Variants in BDKRB2 observed in about 807,000 individuals in gnomAD.
The protein encoded by BDKRB2 is bradykinin receptor B2.
In BDKRB2, 6 loss-of-function variants were observed where a neutral mutation model predicts 4.0. That is an observed-to-expected ratio of 1.49 (90% CI 0.81 to 2.93). The LOEUF (loss-of-function observed/expected upper bound fraction) is 2.93, where lower values mean the gene tolerates loss of function less well. Ranked by LOEUF, BDKRB2 falls within the 30% of genes most tolerant of loss-of-function variation. The pLI is 0.00. For synonymous variants in BDKRB2, 225 were observed against 215.3 expected (o/e 1.05, Z -0.40); for missense variants, 478 against 520.1 (o/e 0.92, Z 0.79).
chr14:96,230,366 G>C (rs1890790052), intron 1 of BDKRB2, among the ~76,000 whole-genome samples: 1 of 152,100 alleles, frequency 6.6e-6, no homozygotes, highest in Admixed American at 6.5e-5. Context: ...TTTCCCATTA[G>C]TTTTAAATGC....
chr14:96,208,058 C>T (rs146858731), intron 1 of BDKRB2, among the ~76,000 whole-genome samples: 1 of 152,294 alleles, frequency 6.6e-6, no homozygotes, highest in East Asian at 1.9e-4. Flanking sequence ...CCTCCAACTG[C>T]CCCCACTGAG....
Position 96,237,966 on chromosome 14 carries a change from G to T in BDKRB2, c.74+785G>T, listed in dbSNP as rs117352473. 1.4e-3 allele frequency: 1,725 copies of T among 1,192,020 alleles called. 3 individuals carry two copies. The highest frequency in any genetic ancestry group is 3.0e-3 in the Middle Eastern group (11 of 3,722). The allele number at this position is 1,192,020 out of a possible 1,614,324, so 73.8% of individuals were successfully genotyped here. A position where few individuals can be genotyped will look rare whatever the true frequency, so the allele number is the denominator to read the frequency against. ...AGATGACAGACTCTCCAAGCCAGGG[G>T]TATGCAGGAAATGGGTTTTCTGTAG... On this transcript the variant is annotated intron_variant, in intron 2 of 2. Coordinates refer to ENST00000554311, the MANE Select transcript of BDKRB2 (RefSeq NM_001379692.1).
At chr14:96,239,886 T>C (rs1885225976) in intron 2 of BDKRB2, 5 of 985,694 alleles carry the variant, frequency 5.1e-6, no homozygotes, top group Non-Finnish European at 6.0e-6. Flanking sequence ...TGCCACAGAC[T>C]GTCCAGGAAG....
rs1346053282 is a variant in BDKRB2 at position 96,240,508 on chromosome 14, G to GC, written c.186dup (p.Phe63LeufsTer142). The GC allele has an allele frequency of 1.9e-6, 3 of 1,572,888 alleles. No homozygotes were observed. The highest frequency in any genetic ancestry group is 2.2e-5 in the East Asian group (1 of 44,464). On this transcript the variant is annotated frameshift_variant, in exon 3 of 3. Transcript: ENST00000554311. LOFTEE classifies it low-confidence loss of function (END_TRUNC). ...GGCTGGGCTGGCTCAACACCATCCA[G>GC]CCCCCCTTCCTCTGGGTGCTGTTCG...
At position 96,237,265 on chromosome 14, in the gene BDKRB2, T is replaced by C. The variant is rs1166443036; in HGVS notation, c.74+84T>C. 8 of 1,273,914 alleles carry C rather than the reference T, an allele frequency of 6.3e-6. No homozygotes were observed. In the East Asian group the frequency reaches 1.4e-4, roughly 22 times the overall value. The allele number at this position is 1,273,914 out of a possible 1,614,324, so 78.9% of individuals were successfully genotyped here. A position where few individuals can be genotyped will look rare whatever the true frequency, so the allele number is the denominator to read the frequency against. ...AACTCCCTGGAAAGCTCAACTCTCA[T>C]GCCCCGGACAACAGTTGAAGGAACC... is the stretch of plus-strand genomic sequence containing the variant. On this transcript the variant is annotated intron_variant, in intron 2 of 2. Transcript: ENST00000554311.
chr14:96,204,842 C>G lies in BDKRB2; in HGVS notation c.-157C>G. 1 of 386,780 alleles carries G rather than the reference C, an allele frequency of 2.6e-6. No homozygotes were observed. Among genetic ancestry groups the G allele is most frequent in the Non-Finnish European group, 5.2e-6 (1 of 190,948 alleles). 24.0% of individuals were successfully genotyped at this position (386,780 alleles called of 1,614,324 possible). On this transcript the variant is annotated 5_prime_UTR_variant, in exon 1 of 3. Transcript: ENST00000554311. The stretch of plus-strand genomic sequence containing the variant: ...AAGATGAGCTGTTCCCGCCGCCACT[C>G]CAGCTCTGGCTTCTGGGCTCCGAGG...
At chr14:96,206,771 C>G (rs946449007) in intron 1 of BDKRB2, among the ~76,000 whole-genome samples, 2 of 151,998 alleles carry the variant, frequency 1.3e-5, no homozygotes, top group African/African-American at 4.8e-5. Flanking sequence ...GGGAGCCCTG[C>G]AGATTTGCCC....
intron 1 of BDKRB2, among the ~76,000 whole-genome samples, chr14:96,212,401 C>CA (rs67435703): frequency 1.4e-4 from 21 of 149,274 alleles, no homozygotes; most frequent in South Asian, 6.4e-4. Flanking sequence ...AAAAAGATTG[C>CA]AAAAAAAAAC....
chr14:96,233,500 G>A (rs150624721), intron 1 of BDKRB2: 2 of 152,252 alleles, frequency 1.3e-5, no homozygotes, highest in African/African-American at 4.8e-5. Context: ...TCTGGCTGTG[G>A]AGTCTGGTGT....
intron 1 of BDKRB2, among the ~76,000 whole-genome samples, chr14:96,222,423 A>G (rs1477532542): frequency 1.3e-5 from 2 of 151,998 alleles, no homozygotes; most frequent in Admixed American, 6.5e-5. Flanking sequence ...CAAGCTTTGT[A>G]TCATGGCCTG....
At chr14:96,238,528 A>G in intron 2 of BDKRB2, 2 of 985,492 alleles carry the variant, frequency 2.0e-6, no homozygotes, top group Non-Finnish European at 2.4e-6. Context: ...GTTCCTTAAG[A>G]CTCAGGGGCA....
Position 96,237,173 on chromosome 14 carries a change from C to G in BDKRB2, c.66C>G (p.Ala22=). ...SVREDSVPTT[A]SFSADMLNVT... ...GTGAGGACTCCGTGCCCACCACGGC[C>G]TCTTTCAGGTGAGTCAAAGGGATTC... The change falls in exon 2 of 3, where the codon GCC becomes GCG. Residue 22 remains alanine, a synonymous_variant. Coordinates refer to ENST00000554311, the MANE Select transcript of BDKRB2 (RefSeq NM_001379692.1). 1 of 1,613,256 alleles carries G rather than the reference C, an allele frequency of 6.2e-7. No homozygotes were observed. Among genetic ancestry groups the G allele is most frequent in the East Asian group, 2.2e-5 (1 of 44,880 alleles).
intron 1 of BDKRB2, among the ~76,000 whole-genome samples, chr14:96,218,360 CT>C (rs1890475415): frequency 1.3e-5 from 2 of 152,144 alleles, no homozygotes; most frequent in Non-Finnish European, 2.9e-5. Flanking sequence ...CTTGAGACCC[CT>C]AAGTGCTAAT....
rs1410549855 is a variant in BDKRB2, at chr14:96,237,963, G to A, written c.74+782G>A. 8.4e-6 allele frequency: 10 copies of A among 1,191,764 alleles called. No individual in the cohort carries two copies. The African/African-American group carries it at 1.4e-4, about 17-fold the overall frequency. 73.8% of individuals were successfully genotyped at this position (1,191,764 alleles called of 1,614,324 possible). A position where few individuals can be genotyped will look rare whatever the true frequency, so the allele number is the denominator to read the frequency against. On this transcript the variant is annotated intron_variant, in intron 2 of 2. Coordinates refer to ENST00000554311, the MANE Select transcript of BDKRB2 (RefSeq NM_001379692.1). Reference sequence around the variant, plus strand: ...GAAAGATGACAGACTCTCCAAGCCAGGGGTATGCAGGAAATGGGTTTTCTG... The same window carrying A: ...GAAAGATGACAGACTCTCCAAGCCAAGGGTATGCAGGAAATGGGTTTTCTG...
intron 2 of BDKRB2, chr14:96,237,618 C>T (rs1334514060): frequency 1.6e-6 from 2 of 1,231,928 alleles, no homozygotes; most frequent in African/African-American, 3.1e-5. Flanking sequence ...GGACCTGAGC[C>T]AGAGTAGAAG....
At chr14:96,229,974 A>C (rs1051036189) in intron 1 of BDKRB2, among the ~76,000 whole-genome samples, 1 of 146,354 alleles carries the variant, frequency 6.8e-6, no homozygotes, top group Admixed American at 6.8e-5. Context: ...TAAAAATACA[A>C]AAAAAAAAAA....
chr14:96,222,969 C>T, intron 1 of BDKRB2: 1 of 620,970 alleles, frequency 1.6e-6, no homozygotes, highest in Non-Finnish European at 2.9e-6. Flanking sequence ...ACCGACCGCT[C>T]TAGGCTATGG....
intron 1 of BDKRB2, among the ~76,000 whole-genome samples, chr14:96,220,969 C>T (rs1365856086): frequency 2.0e-5 from 3 of 152,184 alleles, no homozygotes; most frequent in African/African-American, 4.8e-5. Flanking sequence ...AGGGCAGGCA[C>T]CATCTGTCCT....
Position 96,244,023 on chromosome 14 carries a change from T to C in BDKRB2, c.*2519T>C. 1 of 395,278 alleles carries C rather than the reference T, an allele frequency of 2.5e-6. No homozygotes were observed. The allele number at this position is 395,278 out of a possible 1,614,324, so 24.5% of individuals were successfully genotyped here. On this transcript the variant is annotated 3_prime_UTR_variant, in exon 3 of 3. Transcript: ENST00000554311. The stretch of plus-strand genomic sequence containing the variant: ...AGAGCGGCCCTATGCATGGTGTAGA[T>C]GCCCTGATAAAGAACATCTGTCCTG...
Sources: allele counts gnomAD v4.1 joint callset (sites outside exome capture counted in the v4.1 genomes callset), GRCh38; gene constraint gnomAD v4.1.1; transcripts MANE v1.5; gene names NCBI Gene and HGNC (gene_info 2026-07-23, HGNC 2026-07-21).